MAPRE2: variants seen among roughly 807,000 people sequenced by gnomAD.
MAPRE2 encodes microtubule associated protein RP/EB family member 2, also known as microtubule-associated protein RP/EB family member 2.
A neutral mutation model predicts 43.2 loss-of-function variants in MAPRE2; 13 were observed. The ratio of observed to expected loss-of-function variants is 0.30; its 90% CI spans 0.20 to 0.48. The LOEUF is 0.48. Ranked by LOEUF, MAPRE2 falls within the 20% of genes least tolerant of loss-of-function variation. The probability of loss-of-function intolerance (pLI) is 0.99; values close to 1 mark genes in which losing one functional copy is unlikely to be tolerated. For synonymous variants in MAPRE2, 135 were observed against 148.8 expected, an observed-to-expected ratio of 0.91 and a Z score of 0.68; for missense variants, 161 against 400.2, an observed-to-expected ratio of 0.40 and a Z score of 5.10.
intron 1 of MAPRE2, among the ~76,000 whole-genome samples, chr18:35,064,217 T>C (rs532014008): frequency 5.6e-4 from 84 of 149,974 alleles, no homozygotes; most frequent in Admixed American, 2.2e-3. Context: ...AAAATCAAAA[T>C]AGGTTCCACA....
Position 34,984,807 on chromosome 18 carries a change from T to TA in MAPRE2, c.-70+7729dup, listed in dbSNP as rs1250923880. The stretch of plus-strand genomic sequence containing the variant: ...TATATAGTTATATATTATATAATTA[T>TA]ATAATACTAAAAATATAAATATATA... On this transcript the variant is annotated intron_variant, in intron 1 of 7. Transcript: ENST00000413393. Among the ~76,000 whole-genome samples the TA allele has an allele frequency of 6.3e-4, 19 of 30,154 alleles. 4 individuals are homozygous for TA. The East Asian group carries it at 0.076, about 121-fold the overall frequency. 19.8% of individuals were successfully genotyped at this position (30,154 alleles called of 152,430 possible).
chr18:35,013,639 A>G (rs2097036241), intron 2 of MAPRE2, among the ~76,000 whole-genome samples: 1 of 152,148 alleles, frequency 6.6e-6, no homozygotes, highest in African/African-American at 2.4e-5. Flanking sequence ...GTAATTTTGT[A>G]TCCTTTAACA....
intron 1 of MAPRE2, among the ~76,000 whole-genome samples, chr18:35,051,346 C>G (rs931650914): frequency 6.6e-6 from 1 of 152,186 alleles, no homozygotes; most frequent in Non-Finnish European, 1.5e-5. Context: ...CTGGAATACA[C>G]AGTAAATTGT....
intron 2 of MAPRE2, among the ~76,000 whole-genome samples, chr18:35,033,414 G>A (rs1270433486): frequency 1.3e-4 from 19 of 149,272 alleles, no homozygotes; most frequent in Admixed American, 6.0e-4. Context: ...CATACTGAAT[G>A]GGCAAAAACT....
chr18:34,985,363 TAATATATA>T lies in MAPRE2; in HGVS notation c.-70+8286_-70+8293del, dbSNP rs1186621512. 1.8e-3 allele frequency among the ~76,000 whole-genome samples: 72 copies of T among 40,900 alleles called. 2 individuals are homozygous for T. The highest frequency in any genetic ancestry group is 7.4e-3 in the African/African-American group (70 of 9,466). The allele number at this position is 40,900 out of a possible 152,430, so 26.8% of individuals were successfully genotyped here. ...AATATATTATATTATATATATAATA[TAATATATA>T]ATATATTATTTTATATATATATAAT... On this transcript the variant is annotated intron_variant, in intron 1 of 7. Transcript: ENST00000413393.
intron 4 of MAPRE2, among the ~76,000 whole-genome samples, chr18:35,117,889 G>T (rs532039589): frequency 2.4e-4 from 36 of 152,250 alleles, no homozygotes; most frequent in African/African-American, 8.4e-4. Context: ...CTATTTAAAA[G>T]AGAATTTTTA....
At chr18:35,131,976 C>T in intron 5 of MAPRE2, 56 bp from the exon 6 acceptor site, 1 of 1,544,366 alleles carries the variant, frequency 6.5e-7, no homozygotes, top group Non-Finnish European at 8.9e-7. Context: ...AATTGCTGGT[C>T]ATGTCTTATA....
intron 1 of MAPRE2, among the ~76,000 whole-genome samples, chr18:35,068,531 T>C (rs1222006536): frequency 1.3e-5 from 2 of 152,156 alleles, no homozygotes; most frequent in African/African-American, 4.8e-5. Context: ...TACTTCAAAA[T>C]ATAAGAACAA....
intron 2 of MAPRE2, among the ~76,000 whole-genome samples, chr18:35,093,588 TA>T (rs1226303840): frequency 1.3e-5 from 2 of 152,216 alleles, no homozygotes; most frequent in African/African-American, 4.8e-5. Flanking sequence ...TTTAGTCATA[TA>T]AAAAAATGAA....
chr18:35,142,664 G>A lies in MAPRE2; in HGVS notation c.*2295G>A, dbSNP rs1310250224. ...AGAAGAGCTATACATTCTTCTTTCT[G>A]GTCCCATCTTAAACGTCTTCTGTTG... On this transcript the variant is annotated 3_prime_UTR_variant, in exon 7 of 7. Transcript: ENST00000300249. 1 of 152,150 alleles carries A rather than the reference G, an allele frequency of 6.6e-6. No homozygotes were observed. Among genetic ancestry groups the A allele is most frequent in the Non-Finnish European group, 1.5e-5 (1 of 68,050 alleles). The allele number at this position is 152,150 out of a possible 1,614,324, so 9.4% of individuals were successfully genotyped here.
At chr18:35,135,468 T>C (rs1910343191) in intron 6 of MAPRE2, among the ~76,000 whole-genome samples, 1 of 152,142 alleles carries the variant, frequency 6.6e-6, no homozygotes, top group Non-Finnish European at 1.5e-5. Flanking sequence ...CATTTCTTCC[T>C]GAGAATATGG....
At chr18:35,102,290 A>G (rs573624627) in intron 4 of MAPRE2, 131 bp downstream of exon 4, 8 of 636,836 alleles carry the variant, frequency 1.3e-5, no homozygotes, top group Non-Finnish European at 2.1e-5. Context: ...GATGATTTCT[A>G]CTGTTGTCTG....
intron 1 of MAPRE2, among the ~76,000 whole-genome samples, chr18:35,042,853 A>G (rs1334756030): frequency 6.6e-6 from 1 of 152,134 alleles, no homozygotes; most frequent in Non-Finnish European, 1.5e-5. Flanking sequence ...AATGTTGCAT[A>G]TCACAAAATA....
Position 35,016,576 on chromosome 18 carries a change from T to TA in MAPRE2, c.-8+11025dup, listed in dbSNP as rs1232125191. On this transcript the variant is annotated intron_variant, in intron 2 of 7. Coordinates refer to the MAPRE2 transcript ENST00000413393. ...AATTAGTGATGTGGAGCATTTTTCA[T>TA]AAGTTTGTTTGCCACTTGTATGTCT... Among the ~76,000 whole-genome samples, 8 of 152,128 alleles carry TA rather than the reference T, an allele frequency of 5.3e-5. No homozygotes were observed. The East Asian group carries it at 1.5e-3, about 29-fold the overall frequency.
chr18:35,134,859 C>G (rs770567583), intron 6 of MAPRE2, among the ~76,000 whole-genome samples: 17 of 152,114 alleles, frequency 1.1e-4, no homozygotes, highest in Non-Finnish European at 2.4e-4. Flanking sequence ...CTTTTTTAAA[C>G]CCACTTTGTT....
At chr18:34,981,551 C>T (rs557396210) in intron 1 of MAPRE2, among the ~76,000 whole-genome samples, 1 of 152,246 alleles carries the variant, frequency 6.6e-6, no homozygotes, top group South Asian at 2.1e-4. Flanking sequence ...AGACGAGAAC[C>T]ACCCAGTCTT....
At chr18:35,105,533 A>C (rs1418826961) in intron 4 of MAPRE2, among the ~76,000 whole-genome samples, 1 of 152,140 alleles carries the variant, frequency 6.6e-6, no homozygotes, top group Non-Finnish European at 1.5e-5. Flanking sequence ...GTTATTGGGA[A>C]TACAGCCAAG....
At chr18:35,121,347 A>G (rs1235238125) in intron 4 of MAPRE2, among the ~76,000 whole-genome samples, 1 of 152,198 alleles carries the variant, frequency 6.6e-6, no homozygotes, top group Non-Finnish European at 1.5e-5. Flanking sequence ...AATCATATTT[A>G]TACCCCCAAA....
chr18:35,039,421 G>A (rs2097052375), upstream of MAPRE2, among the ~76,000 whole-genome samples: 3 of 152,198 alleles, frequency 2.0e-5, no homozygotes, highest in South Asian at 4.1e-4. Context: ...ATTCATCTGT[G>A]TACCTTGTAA....
Sources: allele counts gnomAD v4.1 joint callset (sites outside exome capture counted in the v4.1 genomes callset), GRCh38; gene constraint gnomAD v4.1.1; transcripts MANE v1.5; gene names NCBI Gene and HGNC (gene_info 2026-07-23, HGNC 2026-07-21).